The following ABCA7 variants were observed in gnomAD, a reference collection of about 807,000 sequenced individuals.
ABCA7 encodes phospholipid-transporting ATPase ABCA7.
A neutral mutation model predicts 227.6 loss-of-function variants in ABCA7; 261 were observed. The ratio of observed to expected loss-of-function variants is 1.15; its 90% CI spans 1.04 to 1.27. The LOEUF is 1.27. Among genes scored for constraint, ABCA7 ranks in the 50% most tolerant of loss-of-function variants. The probability of loss-of-function intolerance (pLI) is 0.00; values close to 1 mark genes in which losing one functional copy is unlikely to be tolerated. For missense variants in ABCA7, 3,331 were observed against 2,924.5 expected, an observed-to-expected ratio of 1.14 and a Z score of -3.21; for synonymous variants, 1,488 against 1,279.7, an observed-to-expected ratio of 1.16 and a Z score of -3.47.
At position 1,055,250 on chromosome 19, in the gene ABCA7, GC is replaced by G; in HGVS notation, c.4108del (p.Gln1370ArgfsTer3). The G allele has an allele frequency of 6.2e-7, 1 of 1,603,316 alleles. No individual in the cohort carries two copies. ...CGGCTGCAGCTGGTGGTCCCCCTCC[GC>G]CCCAGGCAGTGACCGGCTCTGGGGA... ...CPAAAGGPPP[P>X]QAVTGSGEVV... is the part of the protein sequence containing the mutation. On this transcript the variant is annotated frameshift_variant, in exon 30 of 47. Coordinates refer to ENST00000263094, the MANE Select transcript of ABCA7 (RefSeq NM_019112.4). LOFTEE classifies it high-confidence loss of function.
chr19:1,055,989 C>A (rs1328617008), intron 31 of ABCA7, 50 bp downstream of exon 31: 1 of 1,563,266 alleles, frequency 6.4e-7, no homozygotes, highest in South Asian at 1.2e-5. Context: ...CACTCCCATG[C>A]CCTCTGCCTG....
chr19:1,048,901 A>G lies in ABCA7; in HGVS notation c.2276A>G (p.Tyr759Cys). Reference protein sequence around the residue: ...WYLEAVCPGQYGIPEPWNFPF... With the variant: ...WYLEAVCPGQCGIPEPWNFPF... ...CCCGCGCCCCTCCCCGCAGGCCAGT[A>G]CGGGATCCCTGAACCATGGAATTTT... is the stretch of plus-strand genomic sequence containing the variant. The change falls in exon 17 of 47, where the codon TAC (tyrosine) becomes TGC (cysteine). Residue 759 changes from tyrosine (Y) to cysteine (C), a missense_variant. Coordinates refer to ENST00000263094, the MANE Select transcript of ABCA7 (RefSeq NM_019112.4). 1 of 1,602,208 alleles carries G rather than the reference A, an allele frequency of 6.2e-7. No individual in the cohort carries two copies. The highest frequency in any genetic ancestry group is 1.1e-5 in the South Asian group (1 of 89,166).
rs377086824 is a variant in ABCA7 at position 1,056,304 on chromosome 19, A to T, written c.4417-26A>T. On this transcript the variant is annotated intron_variant, in intron 32 of 46. Transcript: ENST00000263094. The surrounding 1 kb of genome is among the most constrained non-coding windows in gnomAD (Gnocchi z 4.3). ...AGCAAGGTCCAACCCCATTGCTCTGACCCTATGACCTTGACCCCCACCCAG... is the reference window on the plus strand; with the variant it reads ...AGCAAGGTCCAACCCCATTGCTCTGTCCCTATGACCTTGACCCCCACCCAG... 5.5e-5 allele frequency: 89 copies of T among 1,608,854 alleles called. No individual in the cohort carries two copies. Among genetic ancestry groups the T allele is most frequent in the Non-Finnish European group, 7.1e-5 (84 of 1,177,856 alleles).
Position 1,056,883 on chromosome 19 carries a change from C to A in ABCA7, c.4587-24C>A, listed in dbSNP as rs2042300290. 6.2e-7 allele frequency: 1 copy of A among 1,606,510 alleles called. No individual in the cohort carries two copies. The stretch of plus-strand genomic sequence containing the variant: ...CAACCCATGCACCCTCACCCTACAA[C>A]AGCTCTCATGTCTTCACCTCCAGGA... On this transcript the variant is annotated intron_variant, in intron 33 of 46. Coordinates refer to ENST00000263094, the MANE Select transcript of ABCA7 (RefSeq NM_019112.4). The surrounding 1 kb of genome is among the most constrained non-coding windows in gnomAD (Gnocchi z 4.3).
At chr19:1,059,279 A>C (rs2042498649) in intron 40 of ABCA7, 194 bp downstream of exon 40, 1 of 255,540 alleles carries the variant, frequency 3.9e-6, no homozygotes, top group Non-Finnish European at 6.3e-6. Flanking sequence ...TTATTTATTT[A>C]TTTGAGATGG....
In ABCA7 at chr19:1,042,193, G is replaced by A. The variant is rs753651975; in HGVS notation, c.415+17G>A. On this transcript the variant is annotated intron_variant, in intron 5 of 46. Transcript: ENST00000263094. Reference sequence around the variant, plus strand: ...GCAGCACGGGTGAGGAGGCCGGGGGGCCTCTGGCAGGGCTGAGCTCTGAGC... The same window carrying A: ...GCAGCACGGGTGAGGAGGCCGGGGGACCTCTGGCAGGGCTGAGCTCTGAGC... 6.9e-6 allele frequency: 11 copies of A among 1,600,738 alleles called. No individual in the cohort carries two copies. Among genetic ancestry groups the A allele is most frequent in the Non-Finnish European group, 9.3e-6 (11 of 1,178,098 alleles).
rs770006037 is a variant in ABCA7, at chr19:1,043,404, G to T, written c.861G>T (p.Leu287=). The change falls in exon 9 of 47, where the codon CTG becomes CTT. Residue 287 remains leucine (L), a synonymous_variant. Coordinates refer to ENST00000263094, the MANE Select transcript of ABCA7 (RefSeq NM_019112.4). ...HPLSRLLWRR[L]KPLILGKLLF... ...TGTCCCGCCTGCTCTGGAGACGCCT[G>T]AAGCCTCTGATCCTCGGGAAGCTAC... 5 of 1,613,372 alleles carry T rather than the reference G, an allele frequency of 3.1e-6. No homozygotes were observed. The highest frequency in any genetic ancestry group is 1.3e-5 in the African/African-American group (1 of 75,048).
In ABCA7 at chr19:1,058,680, G is replaced by A. The variant is rs747196633; in HGVS notation, c.5212G>A (p.Val1738Met). The A allele has an allele frequency of 1.2e-6, 2 of 1,613,968 alleles. No homozygotes were observed. Among genetic ancestry groups the A allele is most frequent in the Admixed American group, 1.7e-5 (1 of 60,004 alleles). The change falls in exon 38 of 47, where the codon GTG (valine) becomes ATG (methionine). Residue 1738 changes from valine (V) to methionine (M), a missense_variant. Transcript: ENST00000263094. ...EVVGKNLLAM[V>M]IQGPLFLLFT... Reference sequence around the variant, plus strand: ...GGTCGGCAAGAACCTCTTGGCCATGGTGATACAGGGGCCCCTCTTCCTTCT... The same window carrying A: ...GGTCGGCAAGAACCTCTTGGCCATGATGATACAGGGGCCCCTCTTCCTTCT...
chr19:1,043,876 C>T (rs777515407), intron 10 of ABCA7, 35 bp downstream of exon 10: 4 of 1,593,310 alleles, frequency 2.5e-6, no homozygotes, highest in Non-Finnish European at 3.4e-6. Flanking sequence ...GGATGTGGCT[C>T]CCCGGTGAGG....
chr19:1,061,307 G>C (rs1469885286), intron 40 of ABCA7, among the ~76,000 whole-genome samples: 1 of 147,602 alleles, frequency 6.8e-6, no homozygotes, highest in Non-Finnish European at 1.5e-5. Context: ...TGAGACAGGA[G>C]AATTGCTTGA....
Position 1,047,182 on chromosome 19 carries a change from A to T in ABCA7, c.1871A>T (p.His624Leu), listed in dbSNP as rs2040779241. 1.2e-6 allele frequency: 2 copies of T among 1,604,002 alleles called. No individual in the cohort carries two copies. The highest frequency in any genetic ancestry group is 8.5e-7 in the Non-Finnish European group (1 of 1,177,296). ...LKLGDILPYS[H>L]PGVVFLFLAA... Reference sequence around the variant, plus strand: ...CTGGGAGACATCCTCCCCTACAGCCACCCGGGCGTGGTCTTCCTGTTCTTG... The same window carrying T: ...CTGGGAGACATCCTCCCCTACAGCCTCCCGGGCGTGGTCTTCCTGTTCTTG... The change falls in exon 15 of 47, where the codon CAC (histidine) becomes CTC (leucine). Residue 624 changes from histidine (H) to leucine (L), a missense_variant. Physicochemically the swap from His to Leu is moderately conservative, Grantham distance 99. Coordinates refer to ENST00000263094, the MANE Select transcript of ABCA7 (RefSeq NM_019112.4).
At chr19:1,047,775 C>T in intron 16 of ABCA7, 121 bp downstream of exon 16, 3 of 971,744 alleles carry the variant, frequency 3.1e-6, no homozygotes, top group South Asian at 2.1e-5. Flanking sequence ...GGAGAGAAGG[C>T]GGGGCTTCTT....
Position 1,047,145 on chromosome 19 carries a change from T to C in ABCA7, c.1846-12T>C, listed in dbSNP as rs749035013. ...CAGGAGCTGCACCCTAAGCTCCCGT[T>C]GCCTCTCACAGCTGGGAGACATCCT... On this transcript the variant is annotated splice_polypyrimidine_tract_variant and intron_variant, in intron 14 of 46. Coordinates refer to ENST00000263094, the MANE Select transcript of ABCA7 (RefSeq NM_019112.4). The C allele has an allele frequency of 1.9e-6, 3 of 1,595,572 alleles. No homozygotes were observed. The highest frequency in any genetic ancestry group is 2.6e-6 in the Non-Finnish European group (3 of 1,173,658).
rs550919452 is a variant in ABCA7, at chr19:1,058,910, G to T, written c.5370G>T (p.Gly1790=). The T allele has an allele frequency of 3.4e-4, 542 of 1,594,658 alleles. 13 individuals are homozygous for T. In the South Asian group the frequency reaches 5.8e-3, roughly 17 times the overall value. The change falls in exon 39 of 47, where the codon GGG becomes GGT. Residue 1790 remains glycine (G), a synonymous_variant. Coordinates refer to ENST00000263094, the MANE Select transcript of ABCA7 (RefSeq NM_019112.4). ...GGGTGGTCCAAGGAGCCACCCAGGG[G>T]GATGTGTTGGTGCTGAGGAACTTGA... ...RERVVQGATQ[G]DVLVLRNLTK...
rs567967598 is a variant in ABCA7, at chr19:1,054,688, T to C, written c.3845T>C (p.Phe1282Ser). Reference protein sequence around the residue: ...SPTMYGAQVSFFSEDAPGDPG... With the variant: ...SPTMYGAQVSSFSEDAPGDPG... ...ACCATGTACGGTGCTCAGGTGTCCT[T>C]CTTCAGGTGGGTGCAGAAGGAAGGG... The change falls in exon 28 of 47, where the codon TTC (phenylalanine) becomes TCC (serine). Residue 1282 changes from phenylalanine to serine, a missense_variant. Transcript: ENST00000263094. The surrounding 1 kb of genome is among the most constrained non-coding windows in gnomAD (Gnocchi z 4.8). The C allele has an allele frequency of 2.5e-6, 4 of 1,612,610 alleles. No individual in the cohort carries two copies. The highest frequency in any genetic ancestry group is 3.4e-6 in the Non-Finnish European group (4 of 1,179,328).
Position 1,065,375 on chromosome 19 carries a change from C to T in ABCA7, c.6391C>T (p.Arg2131Cys), listed in dbSNP as rs774686541. 3.7e-6 allele frequency: 6 copies of T among 1,613,478 alleles called. No homozygotes were observed. The highest frequency in any genetic ancestry group is 2.7e-5 in the African/African-American group (2 of 74,934). ...DPAPGLQHPKRVSQFLDDPST... is the reference protein window; with the variant it reads ...DPAPGLQHPKCVSQFLDDPST... ...CGCGCCAGGCCTGCAGCACCCCAAA[C>T]GCGTCAGCCAGTTCCTCGATGACCC... The change falls in exon 47 of 47, where the codon CGC becomes TGC. Residue 2131 changes from arginine (R) to cysteine (C), a missense_variant. By Grantham distance (180) the Arg-to-Cys change is radical (BLOSUM62 -3). Coordinates refer to ENST00000263094, the MANE Select transcript of ABCA7 (RefSeq NM_019112.4).
chr19:1,058,727 C>A lies in ABCA7; in HGVS notation c.5259C>A (p.His1753Gln). 6.2e-7 allele frequency: 1 copy of A among 1,613,880 alleles called. No individual in the cohort carries two copies. The highest frequency in any genetic ancestry group is 8.5e-7 in the Non-Finnish European group (1 of 1,179,946). ...TTCTCTTCACACTACTGCTGCAGCA[C>A]CGAAGCCAACTCCTGCCACAGTTAG... ...LFLLFTLLLQ[H>Q]RSQLLPQPRV... Residue 1753 changes from histidine to glutamine, a missense_variant, in exon 38 of 47, where the codon CAC becomes CAA. Physicochemically the swap from His to Gln is conservative, Grantham distance 24. Transcript: ENST00000263094.
chr19:1,062,928 C>T (rs112280933), intron 42 of ABCA7, among the ~76,000 whole-genome samples: 2 of 140,864 alleles, frequency 1.4e-5, no homozygotes, highest in Non-Finnish European at 3.1e-5. Flanking sequence ...CATACTCATG[C>T]TGGCTCCACC....
intron 42 of ABCA7, 24 bp from the exon 43 acceptor site, chr19:1,063,520 G>T (rs772774035): frequency 1.9e-6 from 3 of 1,607,788 alleles, no homozygotes; most frequent in Non-Finnish European, 1.7e-6. Context: ...GAGTCCCCAT[G>T]CCTACTCTGG....
Sources: allele counts gnomAD v4.1 joint callset (sites outside exome capture counted in the v4.1 genomes callset), GRCh38; gene constraint gnomAD v4.1.1; non-coding constraint Gnocchi (gnomAD v3.1); transcripts MANE v1.5; gene names NCBI Gene and HGNC (gene_info 2026-07-23, HGNC 2026-07-21).